The following DAB1 variants were observed in gnomAD, a reference collection of about 807,000 sequenced individuals.
DAB1 encodes the protein disabled homolog 1.
Under a neutral mutation model 64.6 loss-of-function variants are expected in DAB1, and 15 were observed. That is an observed-to-expected ratio of 0.23 (90% confidence interval 0.16 to 0.36). The LOEUF is 0.36. DAB1 is among the 10% of genes least tolerant of loss of function. The pLI is 1.00. For missense variants in DAB1, 596 were observed against 706.7 expected (o/e 0.84, Z 1.78); for synonymous variants, 235 against 251.9 (o/e 0.93, Z 0.64).
At chr1:58,361,928 A>G (rs1213660) in intron 3 of DAB1, among the ~76,000 whole-genome samples, 131,406 of 143,058 alleles carry the variant, frequency 0.92, 60,493 homozygotes, top group East Asian at 1. Context: ...GGAGTGCAGC[A>G]GTGTGATTTC....
chr1:57,060,712 G>A (rs1650302413), intron 9 of DAB1, among the ~76,000 whole-genome samples: 1 of 152,118 alleles, frequency 6.6e-6, no homozygotes, highest in South Asian at 2.1e-4. Context: ...CAGAGAGAGT[G>A]GGGAGGGGTA....
At chr1:57,553,376 G>GAAA (rs1367247150) in intron 7 of DAB1, among the ~76,000 whole-genome samples, 1 of 7,606 alleles carries the variant, frequency 1.3e-4, no homozygotes, top group Non-Finnish European at 3.4e-3. Context: ...AAGGAAGGAA[G>GAAA]GAAGAAAGAG....
chr1:58,293,318 A>T (rs1661890649), intron 4 of DAB1, among the ~76,000 whole-genome samples: 1 of 152,146 alleles, frequency 6.6e-6, no homozygotes, highest in South Asian at 2.1e-4. Context: ...GCTCTCTCTC[A>T]CTGCAGCTTC....
intron 3 of DAB1, among the ~76,000 whole-genome samples, chr1:58,377,251 G>T (rs1329688371): frequency 6.7e-6 from 1 of 148,366 alleles, no homozygotes; most frequent in Non-Finnish European, 1.5e-5. Context: ...TTGCTCGTTA[G>T]TTGATGCAGT....
chr1:58,374,671 T>G (rs1373576477), intron 3 of DAB1, among the ~76,000 whole-genome samples: 30 of 137,342 alleles, frequency 2.2e-4, no homozygotes, highest in South Asian at 9.8e-4. Context: ...GGGCTCTTTT[T>G]TGGTTCCATA....
intron 7 of DAB1, among the ~76,000 whole-genome samples, chr1:57,488,442 C>T (rs949854726): frequency 4.1e-5 from 6 of 147,960 alleles, no homozygotes; most frequent in African/African-American, 7.5e-5. Flanking sequence ...TTTGGGAGGC[C>T]GAGGCGGGCA....
At chr1:57,389,934 G>A (rs1042036103) in intron 1 of DAB1, among the ~76,000 whole-genome samples, 7 of 152,162 alleles carry the variant, frequency 4.6e-5, no homozygotes, top group Non-Finnish European at 8.8e-5. Flanking sequence ...TCAGTAAACG[G>A]TGAGGAAACA....
At chr1:57,622,351 AGGGTGGCAGAGCT>A (rs1426394030) in intron 7 of DAB1, among the ~76,000 whole-genome samples, 1 of 152,188 alleles carries the variant, frequency 6.6e-6, no homozygotes, top group East Asian at 1.9e-4. Flanking sequence ...AGGCTAGACT[AGGGTGGCAGAGCT>A]GGACATAGAT....
intron 5 of DAB1, among the ~76,000 whole-genome samples, chr1:57,981,153 TC>T (rs1275151924): frequency 6.6e-6 from 1 of 152,120 alleles, no homozygotes; most frequent in East Asian, 1.9e-4. Context: ...ACCTTTCTGT[TC>T]ATTATTTGCC....
chr1:57,216,222 T>C (rs1165952496), intron 2 of DAB1, among the ~76,000 whole-genome samples: 1 of 152,060 alleles, frequency 6.6e-6, no homozygotes. Context: ...GTTACTTACC[T>C]TATCTGATCC....
chr1:57,724,243 AAAGG>A (rs1421547795), intron 6 of DAB1, among the ~76,000 whole-genome samples: 1 of 148,376 alleles, frequency 6.7e-6, no homozygotes, highest in Non-Finnish European at 1.5e-5. Context: ...AGGAAGAAAG[AAAGG>A]AAGGGAGGGA....
At chr1:57,994,448 G>A (rs896638187) in intron 5 of DAB1, among the ~76,000 whole-genome samples, 4 of 152,172 alleles carry the variant, frequency 2.6e-5, no homozygotes, top group African/African-American at 9.6e-5. Context: ...AGAAGCTGAA[G>A]CCGTTGTGTT....
At chr1:57,993,931 G>C (rs1341394247) in intron 5 of DAB1, among the ~76,000 whole-genome samples, 4 of 152,178 alleles carry the variant, frequency 2.6e-5, no homozygotes, top group Non-Finnish European at 5.9e-5. Flanking sequence ...CAGGCCCTGT[G>C]CTAAGTGCTG....
rs181920036 is a variant in DAB1 at position 58,165,581 on chromosome 1, T to C, written n.310-14993A>G. On this transcript the variant is annotated intron_variant and non_coding_transcript_variant, in intron 4 of 20. Transcript: ENST00000485760. ...ATGCATGTTACCATGTTGAGTGTTATTAAAGTTGCTTATCTACCTCCAAGT... is the reference window on the plus strand; with the variant it reads ...ATGCATGTTACCATGTTGAGTGTTACTAAAGTTGCTTATCTACCTCCAAGT... Among the ~76,000 whole-genome samples, 524 of 152,330 alleles carry C rather than the reference T, an allele frequency of 3.4e-3. 2 individuals carry two copies. Among genetic ancestry groups the C allele is most frequent in the Non-Finnish European group, 5.2e-3 (352 of 68,030 alleles).
intron 3 of DAB1, among the ~76,000 whole-genome samples, chr1:58,367,095 G>C (rs1208397177): frequency 6.6e-6 from 1 of 152,118 alleles, no homozygotes; most frequent in Admixed American, 6.6e-5. Context: ...GGTACTATCT[G>C]TTGGAAAAAC....
At chr1:57,520,561 A>G (rs1644513875) in intron 7 of DAB1, among the ~76,000 whole-genome samples, 1 of 152,180 alleles carries the variant, frequency 6.6e-6, no homozygotes, top group South Asian at 2.1e-4. Flanking sequence ...TTAACTCTCA[A>G]ATAAGAAAGA....
At chr1:58,419,438 C>T (rs1309439827) in intron 3 of DAB1, among the ~76,000 whole-genome samples, 1 of 152,116 alleles carries the variant, frequency 6.6e-6, no homozygotes, top group Non-Finnish European at 1.5e-5. Flanking sequence ...CATCCATCAC[C>T]ATTGTTTTCC....
intron 2 of DAB1, among the ~76,000 whole-genome samples, chr1:58,524,538 A>G (rs1200924391): frequency 6.6e-6 from 1 of 152,238 alleles, no homozygotes; most frequent in African/African-American, 2.4e-5. Context: ...TATACAAGAT[A>G]AAAGTCTTTT....
At chr1:57,634,008 T>C (rs1263973002) in intron 7 of DAB1, among the ~76,000 whole-genome samples, 1 of 152,244 alleles carries the variant, frequency 6.6e-6, no homozygotes, top group Non-Finnish European at 1.5e-5. Context: ...AAACTTACAG[T>C]GTGCCATGGC....
Sources: gnomAD v4.1 joint callset for allele counts (sites outside exome capture counted in the v4.1 genomes callset) on GRCh38, gnomAD v4.1.1 for gene constraint, MANE v1.5 for transcripts, NCBI Gene and HGNC (gene_info 2026-07-23, HGNC 2026-07-21) for gene names.